ZNF500: variants seen among roughly 807,000 people sequenced by gnomAD.
ZNF500 encodes the protein zinc finger protein 500, also known as zinc finger protein with KRAB and SCAN domains 18.
In ZNF500, 31 loss-of-function variants were observed where a neutral mutation model predicts 30.1. That is an observed-to-expected ratio of 1.03 (90% CI 0.77 to 1.39). The LOEUF is 1.39. Ranked by LOEUF, ZNF500 falls within the 40% of genes most tolerant of loss-of-function variation. The pLI is 0.00. For missense variants in ZNF500, 817 were observed against 657.8 expected (o/e 1.24, Z -2.65); for synonymous variants, 392 against 282.0 (o/e 1.39, Z -3.91).
chr16:4,755,517 A>G (rs1013922843), intron 5 of ZNF500, among the ~76,000 whole-genome samples: 2 of 151,924 alleles, frequency 1.3e-5, no homozygotes, highest in Admixed American at 6.6e-5. Flanking sequence ...GAGTTTCACC[A>G]TGTTGGCCAG....
intron 2 of ZNF500, among the ~76,000 whole-genome samples, chr16:4,764,534 C>G (rs1022708171): frequency 2.0e-5 from 3 of 151,882 alleles, no homozygotes; most frequent in African/African-American, 7.3e-5. Context: ...GTAATCCCAG[C>G]ACTTTGGGAG....
chr16:4,747,293 G>A (rs952097479), downstream of ZNF500: 14 of 1,513,504 alleles, frequency 9.3e-6, no homozygotes, highest in Non-Finnish European at 1.2e-5. Flanking sequence ...GGAGGGCTGG[G>A]AGGGGCGGCC....
downstream of ZNF500, chr16:4,747,726 CA>C: frequency 7.1e-7 from 1 of 1,400,846 alleles, no homozygotes; most frequent in Non-Finnish European, 9.5e-7. Context: ...TTTCCACTAG[CA>C]GGGGCATTCC....
chr16:4,760,569 T>A lies in ZNF500; in HGVS notation c.683A>T (p.Asp228Val). 4 of 1,613,124 alleles carry A rather than the reference T, an allele frequency of 2.5e-6. No homozygotes were observed. Among genetic ancestry groups the A allele is most frequent in the Non-Finnish European group, 3.4e-6 (4 of 1,179,586 alleles). The change falls in exon 5 of 6, where the codon GAC (aspartate) becomes GTC (valine). Residue 228 changes from aspartate (D) to valine (V), a missense_variant. By Grantham distance (152) the Asp-to-Val change is radical (BLOSUM62 -3). Coordinates refer to ENST00000219478, the MANE Select transcript of ZNF500 (RefSeq NM_021646.4). ...AWSQVPVNLE[D>V]VAVYLSGEEP... ...CTCCCCAGAAAGGTATACAGCCACG[T>A]CCTCCAAGTTCACGGGCACCTGCCA...
intron 2 of ZNF500, chr16:4,763,967 C>A: frequency 1.0e-6 from 1 of 985,414 alleles, no homozygotes; most frequent in Non-Finnish European, 1.2e-6. Flanking sequence ...CACGCAAGGC[C>A]CTGAAAAATG....
At chr16:4,761,472 C>A (rs1270876800) in intron 4 of ZNF500, among the ~76,000 whole-genome samples, 5 of 57,522 alleles carry the variant, frequency 8.7e-5, no homozygotes, top group Non-Finnish European at 1.7e-4. Context: ...AACAAATACA[C>A]ATACATACAC....
At chr16:4,746,850 G>A (rs574122433), downstream of ZNF500, 422 of 1,334,096 alleles carry the variant, frequency 3.2e-4, 2 homozygotes, top group Middle Eastern at 4.5e-3. Context: ...AGCAAAGCCC[G>A]AGTGCTTCAA....
intron 5 of ZNF500, among the ~76,000 whole-genome samples, chr16:4,753,716 G>C (rs548864670): frequency 1.3e-5 from 2 of 152,324 alleles, no homozygotes; most frequent in East Asian, 3.9e-4. Flanking sequence ...GTTGTGTCTG[G>C]GGAGGGGGTT....
intron 5 of ZNF500, among the ~76,000 whole-genome samples, chr16:4,754,276 T>G (rs2082114044): frequency 1.3e-5 from 2 of 152,148 alleles, no homozygotes. Flanking sequence ...GGGCGAATCC[T>G]TCTTGCCCTC....
Position 4,748,321 on chromosome 16 carries a change from G to A in ZNF500, c.*4055C>T, listed in dbSNP as rs2082045230. The A allele has an allele frequency of 6.6e-6, 1 of 151,494 alleles. No homozygotes were observed. Among genetic ancestry groups the A allele is most frequent in the African/African-American group, 2.4e-5 (1 of 41,206 alleles). 9.4% of individuals were successfully genotyped at this position (151,494 alleles called of 1,614,324 possible). On this transcript the variant is annotated 3_prime_UTR_variant, in exon 6 of 6. Transcript: ENST00000219478. ...CTGCCTAGGCCTTCCACAGTGCTGG[G>A]ATTATAGCACTGTGAGCTGCCAGCC... is the stretch of plus-strand genomic sequence containing the variant.
In ZNF500 at chr16:4,752,250, G is replaced by C; in HGVS notation, c.*126C>G. 3 of 1,427,746 alleles carry C rather than the reference G, an allele frequency of 2.1e-6. No homozygotes were observed. Among genetic ancestry groups the C allele is most frequent in the Admixed American group, 2.9e-5 (1 of 34,816 alleles). The allele number at this position is 1,427,746 out of a possible 1,614,324, so 88.4% of individuals were successfully genotyped here. ...CTGGGCATCCCAAATGTCCCCTGCT[G>C]GCCTCATACTGGGCCATGGGAGGAA... On this transcript the variant is annotated 3_prime_UTR_variant, in exon 6 of 6. Transcript: ENST00000219478.
chr16:4,759,545 C>G (rs193002413), intron 5 of ZNF500, among the ~76,000 whole-genome samples: 1 of 152,110 alleles, frequency 6.6e-6, no homozygotes, highest in East Asian at 1.9e-4. Flanking sequence ...GCCTCAAGAC[C>G]GTGGCACAGA....
chr16:4,766,869 G>C (rs2082269633), intron 1 of ZNF500, 148 bp downstream of exon 1: 1 of 152,304 alleles, frequency 6.6e-6, no homozygotes, highest in Non-Finnish European at 1.5e-5. Flanking sequence ...GGGAGAGCTG[G>C]GACCCCCAGG....
intron 2 of ZNF500, among the ~76,000 whole-genome samples, chr16:4,764,563 CGA>C (rs2082241707): frequency 1.3e-5 from 2 of 151,900 alleles, no homozygotes; most frequent in Admixed American, 6.6e-5. Context: ...AGGTGAATCA[CGA>C]GGTCAGGAGA....
chr16:4,744,889 C>T, downstream of ZNF500: 1 of 1,613,612 alleles, frequency 6.2e-7, no homozygotes, highest in Admixed American at 1.7e-5. Flanking sequence ...TGCCGAGCGC[C>T]CACAACAGGC....
At position 4,752,192 on chromosome 16, in the gene ZNF500, G is replaced by A. The variant is rs1289649059; in HGVS notation, c.*184C>T. 3 of 1,418,550 alleles carry A rather than the reference G, an allele frequency of 2.1e-6. No homozygotes were observed. Among genetic ancestry groups the A allele is most frequent in the Non-Finnish European group, 1.8e-6 (2 of 1,092,532 alleles). The allele number at this position is 1,418,550 out of a possible 1,614,324, so 87.9% of individuals were successfully genotyped here. On this transcript the variant is annotated 3_prime_UTR_variant, in exon 6 of 6. Transcript: ENST00000219478. ...ACACTCAGAGCCTGTCCTTGCCCTT[G>A]TTCTGCACCCAGTGCCCAGCTTCCT... is the stretch of plus-strand genomic sequence containing the variant.
intron 5 of ZNF500, 88 bp downstream of exon 5, chr16:4,760,403 TG>T: frequency 7.7e-7 from 1 of 1,290,754 alleles, no homozygotes; most frequent in Non-Finnish European, 1.1e-6. Context: ...CCAGGCCAAC[TG>T]GACCAACAGA....
intron 5 of ZNF500, among the ~76,000 whole-genome samples, chr16:4,754,409 A>G (rs2082115284): frequency 6.6e-6 from 1 of 152,010 alleles, no homozygotes; most frequent in Admixed American, 6.6e-5. Flanking sequence ...CCTGTAATCC[A>G]AGCACTTTGG....
chr16:4,764,204 G>C, intron 2 of ZNF500: 1 of 512,776 alleles, frequency 2.0e-6, no homozygotes, highest in Non-Finnish European at 2.5e-6. Context: ...TTGAGAGGTG[G>C]TCAGTGTGAC....
Sources: gnomAD v4.1 joint callset for allele counts (sites outside exome capture counted in the v4.1 genomes callset) on GRCh38, gnomAD v4.1.1 for gene constraint, MANE v1.5 for transcripts, NCBI Gene and HGNC (gene_info 2026-07-23, HGNC 2026-07-21) for gene names.